The following SRBD1 variants were observed in gnomAD, a reference collection of about 807,000 sequenced individuals.
SRBD1 encodes S1 RNA-binding domain-containing protein 1.
Under a neutral mutation model 115.3 loss-of-function variants are expected in SRBD1, and 88 were observed. The observed-to-expected ratio is 0.76, with a 90% confidence interval of 0.64 to 0.91. SRBD1 has a LOEUF of 0.91. Ranked by LOEUF, SRBD1 falls within the 40% of genes least tolerant of loss-of-function variation. The pLI is 0.00. For missense variants in SRBD1, 1,385 were observed against 1,177.4 expected (o/e 1.18, Z -2.58); for synonymous variants, 509 against 407.7 (o/e 1.25, Z -2.99).
intron 4 of SRBD1, among the ~76,000 whole-genome samples, chr2:45,594,345 A>G (rs1321288217): frequency 6.6e-6 from 1 of 152,166 alleles, no homozygotes; most frequent in Non-Finnish European, 1.5e-5. Context: ...AAACTTTACT[A>G]AGATATTACA....
At chr2:45,494,378 CT>C (rs945703350) in intron 14 of SRBD1, among the ~76,000 whole-genome samples, 96 of 146,478 alleles carry the variant, frequency 6.6e-4, no homozygotes, top group Middle Eastern at 3.6e-3. Flanking sequence ...TAATGGCCAA[CT>C]TTTTTTTTTT....
At chr2:45,596,651 CATG>C (rs746769619) in intron 4 of SRBD1, among the ~76,000 whole-genome samples, 90 of 152,222 alleles carry the variant, frequency 5.9e-4, no homozygotes, top group Middle Eastern at 3.4e-3. Context: ...ACTAATCCAT[CATG>C]ATAATGTAGT....
At chr2:45,417,937 C>T (rs1238111261) in intron 18 of SRBD1, among the ~76,000 whole-genome samples, 1 of 152,204 alleles carries the variant, frequency 6.6e-6, no homozygotes, top group Non-Finnish European at 1.5e-5. Flanking sequence ...GGACTGTGCA[C>T]ACTTAGTGTT....
intron 14 of SRBD1, among the ~76,000 whole-genome samples, chr2:45,531,365 G>A (rs1014383365): frequency 2.0e-5 from 3 of 151,576 alleles, no homozygotes; most frequent in East Asian, 1.9e-4. Context: ...ACGTAAAAAC[G>A]CACATTAAAA....
intron 16 of SRBD1, among the ~76,000 whole-genome samples, chr2:45,475,897 T>C (rs1159388255): frequency 6.6e-6 from 1 of 152,064 alleles, no homozygotes; most frequent in Non-Finnish European, 1.5e-5. Context: ...CAGAGTTTTG[T>C]CATGTTGGCC....
At chr2:45,456,435 C>T (rs1286456038) in intron 16 of SRBD1, among the ~76,000 whole-genome samples, 1 of 151,832 alleles carries the variant, frequency 6.6e-6, no homozygotes, top group Non-Finnish European at 1.5e-5. Context: ...AAAAAACTTT[C>T]CATGCTACTG....
At chr2:45,528,297 T>G (rs1167601167) in intron 14 of SRBD1, among the ~76,000 whole-genome samples, 1 of 151,742 alleles carries the variant, frequency 6.6e-6, no homozygotes, top group Non-Finnish European at 1.5e-5. Context: ...GGCCAGCTCA[T>G]GAAAGCCTTA....
chr2:45,502,180 G>A (rs1670654643), intron 14 of SRBD1, among the ~76,000 whole-genome samples: 1 of 152,196 alleles, frequency 6.6e-6, no homozygotes, highest in Non-Finnish European at 1.5e-5. Context: ...GGCAAACAGG[G>A]TCTGGAGTGG....
intron 18 of SRBD1, among the ~76,000 whole-genome samples, chr2:45,414,474 AGTGT>A (rs921678609): frequency 4.2e-5 from 6 of 143,792 alleles, no homozygotes; most frequent in African/African-American, 1.7e-4. Flanking sequence ...GTGTGTATAT[AGTGT>A]GTGTGTACAG....
At position 45,599,941 on chromosome 2, in the gene SRBD1, C is replaced by A. The variant is rs574088624; in HGVS notation, c.262-106G>T. ...AACAAATTATTGATACACACAATAA[C>A]TTGGAAGAATCTCAAGTAAATTATG... On this transcript the variant is annotated intron_variant, in intron 3 of 20. Coordinates refer to ENST00000263736, the MANE Select transcript of SRBD1 (RefSeq NM_018079.5). 8.7e-5 allele frequency: 110 copies of A among 1,268,864 alleles called. 3 individuals are homozygous for A. In the African/African-American group the frequency reaches 1.4e-3, roughly 16 times the overall value. The allele number at this position is 1,268,864 out of a possible 1,614,324, so 78.6% of individuals were successfully genotyped here. A position where few individuals can be genotyped will look rare whatever the true frequency, so the allele number is the denominator to read the frequency against.
chr2:45,451,299 T>C (rs1383128202), intron 16 of SRBD1, among the ~76,000 whole-genome samples: 4 of 152,118 alleles, frequency 2.6e-5, no homozygotes, highest in Non-Finnish European at 2.9e-5. Context: ...CAGACATAGA[T>C]GATGGTATCC....
At chr2:45,494,503 A>C (rs140616052) in intron 14 of SRBD1, among the ~76,000 whole-genome samples, 20 of 152,330 alleles carry the variant, frequency 1.3e-4, no homozygotes, top group Admixed American at 1.2e-3. Context: ...TGATAACATA[A>C]AAGAAAGATA....
intron 12 of SRBD1, chr2:45,549,120 G>A (rs890190802): frequency 1.3e-5 from 2 of 152,096 alleles, no homozygotes; most frequent in Non-Finnish European, 2.9e-5. Flanking sequence ...AAACTAACTA[G>A]TAAAAGATAC....
At chr2:45,605,310 T>C in intron 2 of SRBD1, 52 bp downstream of exon 2, 1 of 1,552,436 alleles carries the variant, frequency 6.4e-7, no homozygotes, top group South Asian at 1.2e-5. Flanking sequence ...GCATTACTCC[T>C]TATTAAAATA....
Position 45,389,287 on chromosome 2 carries a change from A to G in SRBD1, c.*23T>C. The G allele has an allele frequency of 6.3e-7, 1 of 1,597,000 alleles. No homozygotes were observed. The highest frequency in any genetic ancestry group is 8.5e-7 in the Non-Finnish European group (1 of 1,170,056). ...TCTGTGGAAATGAGAAAATAAAATC[A>G]GCGTCTGGCCTTCGTGGGATACTCA... On this transcript the variant is annotated 3_prime_UTR_variant, in exon 21 of 21. Transcript: ENST00000263736.
At chr2:45,500,976 A>G (rs1459119685) in intron 14 of SRBD1, among the ~76,000 whole-genome samples, 1 of 152,176 alleles carries the variant, frequency 6.6e-6, no homozygotes, top group Non-Finnish European at 1.5e-5. Flanking sequence ...CTTAGTAGAA[A>G]GGCTTTCAGT....
intron 5 of SRBD1, among the ~76,000 whole-genome samples, chr2:45,582,683 C>G (rs1216993317): frequency 6.6e-6 from 1 of 152,122 alleles, no homozygotes; most frequent in Non-Finnish European, 1.5e-5. Context: ...TTCAAGCTAG[C>G]TTCTGTGTCC....
chr2:45,419,499 C>T (rs1432247472), intron 17 of SRBD1, among the ~76,000 whole-genome samples: 1 of 152,184 alleles, frequency 6.6e-6, no homozygotes, highest in Admixed American at 6.5e-5. Context: ...TGGGAAACAG[C>T]TCTTTTCCAT....
intron 15 of SRBD1, among the ~76,000 whole-genome samples, chr2:45,483,600 T>C (rs1670029477): frequency 6.6e-6 from 1 of 152,158 alleles, no homozygotes; most frequent in Non-Finnish European, 1.5e-5. Flanking sequence ...TAAAAGACTA[T>C]ACTGAACTGT....
Sources: gnomAD v4.1 joint callset for allele counts (sites outside exome capture counted in the v4.1 genomes callset) on GRCh38, gnomAD v4.1.1 for gene constraint, MANE v1.5 for transcripts, NCBI Gene and HGNC (gene_info 2026-07-23, HGNC 2026-07-21) for gene names.